Variants in TMTC3 observed in about 807,000 individuals in gnomAD.
TMTC3 encodes transmembrane O-mannosyltransferase targeting cadherins 3, also known as protein O-mannosyl-transferase TMTC3.
Under a neutral mutation model 92.2 loss-of-function variants are expected in TMTC3, and 52 were observed. The ratio of observed to expected loss-of-function variants is 0.56; its 90% CI spans 0.45 to 0.71. The LOEUF is 0.71. Ranked by LOEUF, TMTC3 falls within the 30% of genes least tolerant of loss-of-function variation. The pLI, the probability that TMTC3 is intolerant of heterozygous loss-of-function variation, is 0.00. For missense variants in TMTC3, 896 were observed against 1,057.1 expected (o/e 0.85, Z 2.11); for synonymous variants, 339 against 363.3 (o/e 0.93, Z 0.76).
At chr12:88,177,303 G>A (rs918566058) in intron 10 of TMTC3, among the ~76,000 whole-genome samples, 2 of 151,502 alleles carry the variant, frequency 1.3e-5, no homozygotes, top group African/African-American at 4.9e-5. Context: ...TCCAGCCTGG[G>A]TGACAGAGTG....
chr12:88,143,821 G>A (rs894962074), intron 1 of TMTC3, among the ~76,000 whole-genome samples: 4 of 152,200 alleles, frequency 2.6e-5, no homozygotes, highest in African/African-American at 9.6e-5. Flanking sequence ...GGAGGTGGTA[G>A]ACTAAGGATT....
In TMTC3 at chr12:88,195,014, G is replaced by A. The variant is rs369171632; in HGVS notation, c.2110G>A (p.Ala704Thr). The A allele has an allele frequency of 3.1e-6, 5 of 1,613,804 alleles. No homozygotes were observed. Among genetic ancestry groups the A allele is most frequent in the Non-Finnish European group, 4.2e-6 (5 of 1,179,906 alleles). The change falls in exon 14 of 14, where the codon GCT becomes ACT. Residue 704 changes from alanine (A) to threonine (T), a missense_variant. Coordinates refer to ENST00000266712, the MANE Select transcript of TMTC3 (RefSeq NM_181783.4). Reference sequence around the variant, plus strand: ...AAAGTTACAAGCCGACTTCCGAAGTGCTTTGTTTAATCTGGCTCTCCTGTA... The same window carrying A: ...AAAGTTACAAGCCGACTTCCGAAGTACTTTGTTTAATCTGGCTCTCCTGTA... ...AIKLQADFRS[A>T]LFNLALLYSQ...
At chr12:88,177,453 A>T (rs539551042) in intron 10 of TMTC3, among the ~76,000 whole-genome samples, 1 of 152,168 alleles carries the variant, frequency 6.6e-6, no homozygotes, top group Non-Finnish European at 1.5e-5. Flanking sequence ...TCATCAAGAA[A>T]GGGTTTAAGG....
At position 88,197,788 on chromosome 12, in the gene TMTC3, T is replaced by G. The variant is rs2041532216; in HGVS notation, c.*2139T>G. 6.6e-6 allele frequency: 1 copy of G among 152,018 alleles called. No homozygotes were observed. The allele number at this position is 152,018 out of a possible 1,614,324, so 9.4% of individuals were successfully genotyped here. On this transcript the variant is annotated 3_prime_UTR_variant, in exon 14 of 14. Coordinates refer to ENST00000266712, the MANE Select transcript of TMTC3 (RefSeq NM_181783.4). ...TTAATAATTTAATAATTGTTTTAAA[T>G]CAGTGGTTTTCAACCCTCACTTCAT...
chr12:88,192,920 C>G, intron 13 of TMTC3, 90 bp downstream of exon 13: 1 of 1,044,502 alleles, frequency 9.6e-7, no homozygotes, highest in Non-Finnish European at 1.4e-6. Flanking sequence ...ATAGCAAACA[C>G]TTTATGTATT....
At chr12:88,176,902 G>T (rs1314202883) in intron 10 of TMTC3, among the ~76,000 whole-genome samples, 1 of 152,198 alleles carries the variant, frequency 6.6e-6, no homozygotes, top group Non-Finnish European at 1.5e-5. Context: ...GTGAGCTTAA[G>T]AGAATGGGGA....
chr12:88,192,669 A>G lies in TMTC3; in HGVS notation c.1772A>G (p.Glu591Gly). Reference protein sequence around the residue: ...KAKEAYLKALELDRNNADLWY... With the variant: ...KAKEAYLKALGLDRNNADLWY... ...AAGGAAGCATATCTTAAAGCACTAG[A>G]GCTGGACAGAAATAATGCAGATCTT... The change falls in exon 13 of 14, where the codon GAG becomes GGG. Residue 591 changes from glutamate to glycine, a missense_variant. Glu to Gly is a moderately conservative substitution (Grantham distance 98). Coordinates refer to ENST00000266712, the MANE Select transcript of TMTC3 (RefSeq NM_181783.4). 1 of 1,613,468 alleles carries G rather than the reference A, an allele frequency of 6.2e-7. No homozygotes were observed. The highest frequency in any genetic ancestry group is 8.5e-7 in the Non-Finnish European group (1 of 1,179,622).
At position 88,195,646 on chromosome 12, in the gene TMTC3, A is replaced by G. The variant is rs1318960780; in HGVS notation, c.2742A>G (p.Glu914=). ...AGATTGAACGTATTTTAAATGGTGA[A>G]TAACATTAATATTTATCGTGACAAT... is the stretch of plus-strand genomic sequence containing the variant. ...LEEIERILNG[E] Residue 914 remains glutamate, a synonymous_variant, in exon 14 of 14, where the codon GAA becomes GAG. Transcript: ENST00000266712. 2 of 1,579,616 alleles carry G rather than the reference A, an allele frequency of 1.3e-6. No individual in the cohort carries two copies. The highest frequency in any genetic ancestry group is 2.7e-5 in the African/African-American group (2 of 72,826).
intron 7 of TMTC3, among the ~76,000 whole-genome samples, chr12:88,167,609 A>ATACACAGTTCACGTTTCCAGAGAACT (rs547682895): frequency 6.6e-6 from 1 of 152,174 alleles, no homozygotes; most frequent in Non-Finnish European, 1.5e-5. Context: ...ATGATAGTAA[A>ATACACAGTTCACGTTTCCAGAGAACT]TACACAGTTC....
chr12:88,190,992 T>G (rs532774531), intron 12 of TMTC3, among the ~76,000 whole-genome samples: 85 of 152,268 alleles, frequency 5.6e-4, no homozygotes, highest in African/African-American at 2.0e-3. Context: ...ACTTTCTTGT[T>G]TTTAGAGTTG....
rs372400272 is a variant in TMTC3 at position 88,194,873 on chromosome 12, C to T, written c.1969C>T (p.Leu657Phe). The T allele has an allele frequency of 3.1e-6, 5 of 1,609,088 alleles. No individual in the cohort carries two copies. The highest frequency in any genetic ancestry group is 4.2e-6 in the Non-Finnish European group (5 of 1,178,376). Residue 657 changes from leucine (L) to phenylalanine (F), a missense_variant, in exon 14 of 14, where the codon CTT becomes TTT. Physicochemically the swap from Leu to Phe is conservative, Grantham distance 22. Transcript: ENST00000266712. ...VKLRPEARKRLLSYINEEPLD... is the reference protein window; with the variant it reads ...VKLRPEARKRFLSYINEEPLD... ...ACTCAGACCTGAAGCTAGAAAACGA[C>T]TTCTAAGTTATATAAATGAAGAGCC...
At chr12:88,183,596 C>T (rs2041342880) in intron 10 of TMTC3, among the ~76,000 whole-genome samples, 1 of 152,114 alleles carries the variant, frequency 6.6e-6, no homozygotes, top group South Asian at 2.1e-4. Context: ...GGTTTCTCCT[C>T]CCTTCCCTTT....
At chr12:88,159,964 T>C (rs990176395) in intron 4 of TMTC3, 150 bp from the exon 5 acceptor site, 2 of 414,556 alleles carry the variant, frequency 4.8e-6, no homozygotes, top group Non-Finnish European at 8.3e-6. Context: ...AAGTAAAAAT[T>C]ATTAAATTTA....
intron 6 of TMTC3, among the ~76,000 whole-genome samples, chr12:88,164,713 C>A (rs1592732649): frequency 6.6e-6 from 1 of 152,196 alleles, no homozygotes; most frequent in South Asian, 2.1e-4. Context: ...CATGCAAGAA[C>A]TTTTATTTTT....
rs545085364 is a variant in TMTC3 at position 88,188,483 on chromosome 12, G to A, written c.1433-360G>A. On this transcript the variant is annotated intron_variant, in intron 10 of 13. Coordinates refer to ENST00000266712, the MANE Select transcript of TMTC3 (RefSeq NM_181783.4). ...CTTTAGTGTAGTAAAATACAATGAA[G>A]GAAGGTAATAAAAATTTCTTCATTA... Among the ~76,000 whole-genome samples the A allele has an allele frequency of 3.9e-5, 6 of 152,108 alleles. No individual in the cohort carries two copies. In the East Asian group the frequency reaches 7.8e-4, roughly 20 times the overall value.
intron 10 of TMTC3, among the ~76,000 whole-genome samples, chr12:88,186,030 A>G (rs1338728272): frequency 6.6e-6 from 1 of 152,120 alleles, no homozygotes; most frequent in African/African-American, 2.4e-5. Context: ...AAATAAATTG[A>G]TAATTTTGTG....
intron 10 of TMTC3, among the ~76,000 whole-genome samples, chr12:88,186,063 C>CA (rs2041374484): frequency 6.6e-6 from 1 of 152,000 alleles, no homozygotes; most frequent in South Asian, 2.1e-4. Context: ...TGAAACTCTA[C>CA]ATAATTGCCT....
Position 88,173,218 on chromosome 12 carries a change from T to G in TMTC3, c.1199+473T>G, listed in dbSNP as rs1023700391. 7.4e-6 allele frequency: 4 copies of G among 537,964 alleles called. No homozygotes were observed. In the African/African-American group the frequency reaches 8.0e-5, roughly 11 times the overall value. The allele number at this position is 537,964 out of a possible 1,614,324, so 33.3% of individuals were successfully genotyped here. A position where few individuals can be genotyped will look rare whatever the true frequency, so the allele number is the denominator to read the frequency against. On this transcript the variant is annotated intron_variant, in intron 8 of 13. Transcript: ENST00000266712. Reference sequence around the variant, plus strand: ...TCAAACTAACAGTTAAGGAACAGCATAGTCACACTGTATATATGCTTAGGA... The same window carrying G: ...TCAAACTAACAGTTAAGGAACAGCAGAGTCACACTGTATATATGCTTAGGA...
Position 88,195,653 on chromosome 12 carries a change from T to C in TMTC3, c.*4T>C, listed in dbSNP as rs2041503852. 1 of 1,572,732 alleles carries C rather than the reference T, an allele frequency of 6.4e-7. No individual in the cohort carries two copies. The highest frequency in any genetic ancestry group is 1.9e-5 in the Admixed American group (1 of 51,516). The stretch of plus-strand genomic sequence containing the variant: ...ACGTATTTTAAATGGTGAATAACAT[T>C]AATATTTATCGTGACAATGGTATCA... On this transcript the variant is annotated 3_prime_UTR_variant, in exon 14 of 14. Transcript: ENST00000266712.
Sources: gnomAD v4.1 joint callset for allele counts (sites outside exome capture counted in the v4.1 genomes callset) on GRCh38, gnomAD v4.1.1 for gene constraint, MANE v1.5 for transcripts, NCBI Gene and HGNC (gene_info 2026-07-23, HGNC 2026-07-21) for gene names.